HTR4: variants seen among roughly 807,000 people sequenced by gnomAD.
HTR4 encodes 5-hydroxytryptamine receptor 4, also known as 5-hydroxytryptamine (serotonin) receptor 4, G protein-coupled.
Under a neutral mutation model 36.8 loss-of-function variants are expected in HTR4, and 16 were observed. That is an observed-to-expected ratio of 0.43 (90% CI 0.29 to 0.66). The LOEUF (loss-of-function observed/expected upper bound fraction) is 0.66, where lower values mean the gene tolerates loss of function less well. HTR4 is among the 30% of genes least tolerant of loss of function. The probability of loss-of-function intolerance (pLI) is 0.13; values close to 1 mark genes in which losing one functional copy is unlikely to be tolerated. For synonymous variants in HTR4, 189 were observed against 185.1 expected (o/e 1.02, Z -0.17); for missense variants, 438 against 490.9 (o/e 0.89, Z 1.02).
downstream of HTR4, chr5:148,476,838 G>A (rs554945468): frequency 6.3e-7 from 1 of 1,590,666 alleles, no homozygotes; most frequent in East Asian, 2.2e-5. Flanking sequence ...AATGTTTGGG[G>A]ATTGGAATAG....
At position 148,654,303 on chromosome 5, in the gene HTR4, C is replaced by T. The variant is rs1054056859; in HGVS notation, c.-289G>A. On this transcript the variant is annotated 5_prime_UTR_variant, in exon 1 of 7. Transcript: ENST00000377888. ...CGGATCACCTGGGCTCGCCGCGCAT[C>T]GTCCTTCTCCCCAACCGAGCCGGAC... 6.1e-6 allele frequency: 6 copies of T among 984,586 alleles called. No individual in the cohort carries two copies. The African/African-American group carries it at 1.0e-4, about 17-fold the overall frequency. The allele number at this position is 984,586 out of a possible 1,614,324, so 61.0% of individuals were successfully genotyped here. A position where few individuals can be genotyped will look rare whatever the true frequency, so the allele number is the denominator to read the frequency against.
At chr5:148,533,729 C>T (rs377235956) in intron 4 of HTR4, among the ~76,000 whole-genome samples, 25 of 152,206 alleles carry the variant, frequency 1.6e-4, no homozygotes, top group African/African-American at 5.8e-4. Flanking sequence ...GAATCAGTTA[C>T]TAACCTCAAG....
chr5:148,475,123 A>G (rs760868304), downstream of HTR4, among the ~76,000 whole-genome samples: 8 of 152,142 alleles, frequency 5.3e-5, no homozygotes, highest in Non-Finnish European at 1.0e-4. Flanking sequence ...AATAAAAACA[A>G]TAATAGAAAC....
chr5:148,625,638 C>T (rs889521667), intron 2 of HTR4, among the ~76,000 whole-genome samples: 8 of 152,006 alleles, frequency 5.3e-5, no homozygotes, highest in African/African-American at 1.9e-4. Context: ...TGGAGTGCAG[C>T]GGCATGATCT....
At chr5:148,588,765 C>T (rs1761447437) in intron 2 of HTR4, among the ~76,000 whole-genome samples, 2 of 151,294 alleles carry the variant, frequency 1.3e-5, no homozygotes, top group East Asian at 3.9e-4. Flanking sequence ...TGGTCTTGAT[C>T]TCCTGACCTC....
intron 4 of HTR4, among the ~76,000 whole-genome samples, chr5:148,536,887 C>G (rs1157367185): frequency 6.6e-6 from 1 of 152,096 alleles, no homozygotes. Context: ...ACCAAATGGA[C>G]CTGATAGACT....
chr5:148,478,174 G>C (rs964530946), downstream of HTR4, among the ~76,000 whole-genome samples: 11 of 152,198 alleles, frequency 7.2e-5, no homozygotes, highest in African/African-American at 2.7e-4. Context: ...ATGCCATAGT[G>C]CTGTTGAGAG....
chr5:148,605,417 C>A (rs1417958297), intron 2 of HTR4, among the ~76,000 whole-genome samples: 3 of 151,704 alleles, frequency 2.0e-5, no homozygotes, highest in Non-Finnish European at 1.5e-5. Context: ...TGCCACCACA[C>A]CCGGCTAATT....
At chr5:148,606,266 G>T (rs534358363) in intron 2 of HTR4, among the ~76,000 whole-genome samples, 33 of 152,174 alleles carry the variant, frequency 2.2e-4, no homozygotes, top group Non-Finnish European at 4.0e-4. Flanking sequence ...CTGAGAGAAT[G>T]CAGGAAGGAT....
In HTR4 at chr5:148,482,131, C is replaced by G. The variant is rs1472437167; in HGVS notation, c.*1072G>C. ...CAGGGCGGCAATTTGGGTCCTCTGG[C>G]TTCAAGTACAGCATTGCCTCGGCAT... is the stretch of plus-strand genomic sequence containing the variant. On this transcript the variant is annotated 3_prime_UTR_variant, in exon 7 of 7. Coordinates refer to ENST00000377888, the MANE Select transcript of HTR4 (RefSeq NM_000870.7). 2 of 985,990 alleles carry G rather than the reference C, an allele frequency of 2.0e-6. No individual in the cohort carries two copies. The highest frequency in any genetic ancestry group is 3.5e-5 in the African/African-American group (2 of 57,226). 61.1% of individuals were successfully genotyped at this position (985,990 alleles called of 1,614,324 possible). A position where few individuals can be genotyped will look rare whatever the true frequency, so the allele number is the denominator to read the frequency against.
At chr5:148,602,334 G>C (rs1311001250) in intron 2 of HTR4, among the ~76,000 whole-genome samples, 5 of 151,964 alleles carry the variant, frequency 3.3e-5, no homozygotes, top group Admixed American at 3.3e-4. Context: ...AATAACTGGG[G>C]AATTTTTTAA....
chr5:148,560,043 A>G (rs1380135090), intron 2 of HTR4, among the ~76,000 whole-genome samples: 1 of 152,086 alleles, frequency 6.6e-6, no homozygotes, highest in Non-Finnish European at 1.5e-5. Context: ...TGTTACACTT[A>G]TTTGAAATCC....
At chr5:148,545,208 A>C (rs2113839631) in intron 4 of HTR4, among the ~76,000 whole-genome samples, 1 of 152,346 alleles carries the variant, frequency 6.6e-6, no homozygotes, top group Middle Eastern at 3.4e-3. Context: ...TCCCCAAGGA[A>C]AATAAAACAA....
chr5:148,645,556 A>G (rs1021401881), intron 1 of HTR4: 42 of 152,290 alleles, frequency 2.8e-4, no homozygotes, highest in African/African-American at 1.0e-3. Context: ...TCCTAGTTCT[A>G]TTAACTACCA....
At chr5:148,602,263 T>C (rs1762025705) in intron 2 of HTR4, among the ~76,000 whole-genome samples, 1 of 152,148 alleles carries the variant, frequency 6.6e-6, no homozygotes, top group African/African-American at 2.4e-5. Flanking sequence ...CATCAAGTTA[T>C]GGACCATAAA....
chr5:148,502,849 C>T (rs1049380056), intron 6 of HTR4, among the ~76,000 whole-genome samples: 2 of 152,164 alleles, frequency 1.3e-5, no homozygotes, highest in South Asian at 2.1e-4. Context: ...GACAAATGCA[C>T]AAGCCTCAGT....
At chr5:148,474,617 ACTACC>A (rs1246530317), downstream of HTR4, among the ~76,000 whole-genome samples, 13 of 152,290 alleles carry the variant, frequency 8.5e-5, no homozygotes, top group East Asian at 1.2e-3. Context: ...AGGCTACTAG[ACTACC>A]CTCACGTATT....
Position 148,654,064 on chromosome 5 carries a change from G to T in HTR4, c.-50C>A, listed in dbSNP as rs202070977. 187 of 985,190 alleles carry T rather than the reference G, an allele frequency of 1.9e-4. No individual in the cohort carries two copies. Among genetic ancestry groups the T allele is most frequent in the Non-Finnish European group, 2.2e-4 (179 of 829,854 alleles). 61.0% of individuals were successfully genotyped at this position (985,190 alleles called of 1,614,324 possible). ...CCCGGCGCACTTGCCGCACATACCCGCTGCCAGAGGCGAGGGAGCGAGGTG... is the reference window on the plus strand; with the variant it reads ...CCCGGCGCACTTGCCGCACATACCCTCTGCCAGAGGCGAGGGAGCGAGGTG... On this transcript the variant is annotated splice_region_variant and 5_prime_UTR_variant, in exon 1 of 7. Transcript: ENST00000377888.
chr5:148,564,459 G>T (rs939080916), intron 2 of HTR4, among the ~76,000 whole-genome samples: 1 of 152,028 alleles, frequency 6.6e-6, no homozygotes, highest in South Asian at 2.1e-4. Flanking sequence ...TACTGATTTT[G>T]GTATCAACAG....
Sources: gnomAD v4.1 joint callset for allele counts (sites outside exome capture counted in the v4.1 genomes callset) on GRCh38, gnomAD v4.1.1 for gene constraint, MANE v1.5 for transcripts, NCBI Gene and HGNC (gene_info 2026-07-23, HGNC 2026-07-21) for gene names.